Variants in RHAG observed in about 807,000 individuals in gnomAD.
RHAG encodes Rh associated glycoprotein.
A neutral mutation model predicts 42.4 loss-of-function variants in RHAG; 25 were observed. The observed-to-expected ratio is 0.59, with a 90% CI of 0.43 to 0.82. The LOEUF (loss-of-function observed/expected upper bound fraction) is 0.82, where lower values mean the gene tolerates loss of function less well. RHAG is among the 40% of genes least tolerant of loss of function. The pLI is 0.00. For synonymous variants in RHAG, 182 were observed against 177.7 expected, an observed-to-expected ratio of 1.02 and a Z score of -0.19; for missense variants, 483 against 504.6, an observed-to-expected ratio of 0.96 and a Z score of 0.41.
intron 1 of RHAG, among the ~76,000 whole-genome samples, chr6:49,633,692 T>C (rs1419220610): frequency 6.6e-6 from 1 of 152,148 alleles, no homozygotes; most frequent in African/African-American, 2.4e-5. Flanking sequence ...TCTAGGTGCA[T>C]AGGAGACAAG....
chr6:49,621,099 C>G (rs1045090113), intron 1 of RHAG, among the ~76,000 whole-genome samples: 4 of 152,162 alleles, frequency 2.6e-5, no homozygotes, highest in Non-Finnish European at 4.4e-5. Flanking sequence ...TGGCTCCTCT[C>G]TACTTCTGTT....
At chr6:49,609,621 TA>T (rs1562012137) in intron 7 of RHAG, among the ~76,000 whole-genome samples, 1 of 152,166 alleles carries the variant, frequency 6.6e-6, no homozygotes, top group African/African-American at 2.4e-5. Context: ...CAAAAAGGGT[TA>T]AAAAATACAG....
chr6:49,611,316 G>A lies in RHAG; in HGVS notation c.946-171C>T, dbSNP rs76094875. Reference sequence around the variant, plus strand: ...TGATGTTATGAGATACATATAGAGAGAAAAAGGTCATATAGTGAAGAATAT... The same window carrying A: ...TGATGTTATGAGATACATATAGAGAAAAAAAGGTCATATAGTGAAGAATAT... On this transcript the variant is annotated intron_variant, in intron 6 of 9. Transcript: ENST00000371175. Among the ~76,000 whole-genome samples, 7,597 of 152,208 alleles carry A rather than the reference G, an allele frequency of 0.05. 279 individuals carry two copies. Among genetic ancestry groups the A allele is most frequent in the South Asian group, 0.11 (512 of 4,822 alleles).
intron 1 of RHAG, among the ~76,000 whole-genome samples, chr6:49,630,641 A>G (rs1035835765): frequency 2.2e-4 from 34 of 152,228 alleles, no homozygotes; most frequent in African/African-American, 7.5e-4. Context: ...AGAGAATACA[A>G]TAAACACTTA....
At chr6:49,635,207 A>G (rs1214258476) in intron 1 of RHAG, among the ~76,000 whole-genome samples, 1 of 151,496 alleles carries the variant, frequency 6.6e-6, no homozygotes, top group Admixed American at 6.6e-5. Flanking sequence ...GTGAATTGAA[A>G]TTTTACCTAG....
At position 49,619,333 on chromosome 6, in the gene RHAG, C is replaced by T. The variant is rs778934246; in HGVS notation, c.187G>A (p.Val63Ile). The change falls in exon 2 of 10, where the codon GTT becomes ATT. Residue 63 changes from valine (V) to isoleucine (I), a missense_variant. Physicochemically the swap from Val to Ile is conservative, Grantham distance 29. Coordinates refer to ENST00000371175, the MANE Select transcript of RHAG (RefSeq NM_000324.3). ...AAGGTCATGAGGAAGCCAAACCCAA[C>T]AAATATCATAACATGTACATCTTGG... Reference protein sequence around the residue: ...LFQDVHVMIFVGFGFLMTFLK... With the variant: ...LFQDVHVMIFIGFGFLMTFLK... 1.2e-6 allele frequency: 2 copies of T among 1,613,996 alleles called. No individual in the cohort carries two copies. Among genetic ancestry groups the T allele is most frequent in the Admixed American group, 1.7e-5 (1 of 60,000 alleles).
intron 5 of RHAG, among the ~76,000 whole-genome samples, chr6:49,612,840 C>T (rs1762590032): frequency 6.6e-6 from 1 of 152,068 alleles, no homozygotes; most frequent in Non-Finnish European, 1.5e-5. Context: ...GTGTTTAGAG[C>T]AAATATTCTC....
chr6:49,621,160 AC>A (rs1367815416), intron 1 of RHAG, among the ~76,000 whole-genome samples: 1 of 152,120 alleles, frequency 6.6e-6, no homozygotes, highest in African/African-American at 2.4e-5. Flanking sequence ...ACTGTGGTAC[AC>A]TACTCAGGCT....
chr6:49,632,354 A>G (rs967182400), intron 1 of RHAG, among the ~76,000 whole-genome samples: 4 of 152,176 alleles, frequency 2.6e-5, no homozygotes, highest in African/African-American at 7.2e-5. Context: ...TTTCTGAAAA[A>G]TGCATGAAAT....
chr6:49,619,297 A>G lies in RHAG; in HGVS notation c.223T>C (p.Tyr75His). Residue 75 changes from tyrosine to histidine, a missense_variant, in exon 2 of 10, where the codon TAT (tyrosine) becomes CAT (histidine). By Grantham distance (83) the Tyr-to-His change is moderately conservative. Coordinates refer to ENST00000371175, the MANE Select transcript of RHAG (RefSeq NM_000324.3). ...TTGATACCCACACTGCTGAAGCCATATTTCTTCAGGAAGGTCATGAGGAAG... is the reference window on the plus strand; with the variant it reads ...TTGATACCCACACTGCTGAAGCCATGTTTCTTCAGGAAGGTCATGAGGAAG... The part of the protein sequence containing the change: ...FGFLMTFLKK[Y>H]GFSSVGINLL... 1 of 1,614,150 alleles carries G rather than the reference A, an allele frequency of 6.2e-7. No individual in the cohort carries two copies. The highest frequency in any genetic ancestry group is 8.5e-7 in the Non-Finnish European group (1 of 1,180,012).
intron 3 of RHAG, among the ~76,000 whole-genome samples, chr6:49,616,776 T>C (rs1460299868): frequency 2.0e-5 from 3 of 152,192 alleles, no homozygotes; most frequent in African/African-American, 7.2e-5. Flanking sequence ...CCACACTTGG[T>C]TGTAATGAGT....
In RHAG at chr6:49,636,813, G is replaced by A. The variant is rs766235549; in HGVS notation, c.-1C>T. On this transcript the variant is annotated 5_prime_UTR_variant, in exon 1 of 10. Transcript: ENST00000371175. ...CCATGAGAGGGAATGTGAACCTCAT[G>A]TTTGTGGCAAAGGACAGAGGCACAC... The A allele has an allele frequency of 5.0e-6, 8 of 1,613,688 alleles. 1 individual carries two copies. In the South Asian group the frequency reaches 8.8e-5, roughly 18 times the overall value.
chr6:49,614,059 G>C (rs916694887), intron 5 of RHAG, among the ~76,000 whole-genome samples: 2 of 152,084 alleles, frequency 1.3e-5, no homozygotes, highest in East Asian at 3.9e-4. Context: ...CTCAGAACTT[G>C]GGAGCAGTTA....
chr6:49,635,011 G>T (rs1285066380), intron 1 of RHAG, among the ~76,000 whole-genome samples: 4 of 147,292 alleles, frequency 2.7e-5, no homozygotes, highest in African/African-American at 5.0e-5. Context: ...GGGGGGGTGG[G>T]GCGAGGGGTG....
intron 1 of RHAG, among the ~76,000 whole-genome samples, chr6:49,622,091 T>C (rs539074481): frequency 1.9e-4 from 29 of 152,178 alleles, no homozygotes; most frequent in Admixed American, 3.9e-4. Context: ...CACCCAAATC[T>C]CATCTTGTAG....
At chr6:49,635,521 G>T (rs901058947) in intron 1 of RHAG, among the ~76,000 whole-genome samples, 3 of 152,170 alleles carry the variant, frequency 2.0e-5, no homozygotes, top group African/African-American at 7.2e-5. Context: ...TAGATGAACA[G>T]AATTTTTTCT....
intron 1 of RHAG, among the ~76,000 whole-genome samples, chr6:49,622,713 A>T (rs967745212): frequency 6.6e-6 from 1 of 152,188 alleles, no homozygotes; most frequent in Admixed American, 6.5e-5. Context: ...AGCAGTGTGA[A>T]AACGAACTAA....
chr6:49,608,902 G>A (rs1762520182), intron 7 of RHAG, among the ~76,000 whole-genome samples: 1 of 151,952 alleles, frequency 6.6e-6, no homozygotes, highest in African/African-American at 2.4e-5. Context: ...TAAATTTCCT[G>A]TTAATTTTAT....
In RHAG at chr6:49,618,154, T is replaced by C. The variant is rs779531552; in HGVS notation, c.406A>G (p.Thr136Ala). ...LISFGAVLGK[T>A]SPTQMLIMTI... ...ATGATCAGCATTTGGGTGGGGCTCGTTTTTCCCAGGACAGCTCCAAAAGAT... is the reference window on the plus strand; with the variant it reads ...ATGATCAGCATTTGGGTGGGGCTCGCTTTTCCCAGGACAGCTCCAAAAGAT... Residue 136 changes from threonine to alanine, a missense_variant, in exon 3 of 10, where the codon ACG (threonine) becomes GCG (alanine). Physicochemically the swap from Thr to Ala is moderately conservative, Grantham distance 58. Transcript: ENST00000371175. The C allele has an allele frequency of 8.7e-6, 14 of 1,614,024 alleles. No individual in the cohort carries two copies. The highest frequency in any genetic ancestry group is 1.2e-5 in the Non-Finnish European group (14 of 1,179,944).
Sources: gnomAD v4.1 joint callset for allele counts (sites outside exome capture counted in the v4.1 genomes callset) on GRCh38, gnomAD v4.1.1 for gene constraint, MANE v1.5 for transcripts, NCBI Gene and HGNC (gene_info 2026-07-23, HGNC 2026-07-21) for gene names.